PKP4: variants seen among roughly 807,000 people sequenced by gnomAD.
PKP4 encodes plakophilin-4.
A neutral mutation model predicts 145.1 loss-of-function variants in PKP4; 90 were observed. That is an observed-to-expected ratio of 0.62 (90% CI 0.52 to 0.74). The LOEUF is 0.74. Among genes scored for constraint, PKP4 ranks in the 30% least tolerant of loss-of-function variants. The pLI is 0.00. For synonymous variants in PKP4, 563 were observed against 577.2 expected (o/e 0.98, Z 0.35); for missense variants, 1,340 against 1,482.7 (o/e 0.90, Z 1.58).
chr2:158,661,083 G>A, intron 12 of PKP4: 1 of 310,916 alleles, frequency 3.2e-6, no homozygotes, highest in South Asian at 5.1e-5. Flanking sequence ...AATTATATGA[G>A]GGAATTAGAA....
At chr2:158,534,905 C>T (rs1362593827) in intron 2 of PKP4, among the ~76,000 whole-genome samples, 3 of 152,098 alleles carry the variant, frequency 2.0e-5, no homozygotes, top group Admixed American at 6.5e-5. Context: ...AAAATGTATT[C>T]ATCTTATTCA....
intron 16 of PKP4, among the ~76,000 whole-genome samples, chr2:158,667,560 G>A (rs551234010): frequency 2.0e-5 from 3 of 152,304 alleles, no homozygotes; most frequent in Admixed American, 2.0e-4. Flanking sequence ...CCTGCCATGA[G>A]AGAAGGAGAG....
chr2:158,531,374 A>G (rs977643171), intron 1 of PKP4, among the ~76,000 whole-genome samples: 4 of 152,074 alleles, frequency 2.6e-5, no homozygotes, highest in Admixed American at 6.5e-5. Context: ...TCACTGTTGC[A>G]TAGTAACATT....
intron 11 of PKP4, among the ~76,000 whole-genome samples, chr2:158,653,829 T>C (rs1558957982): frequency 6.6e-6 from 1 of 152,230 alleles, no homozygotes; most frequent in South Asian, 2.1e-4. Flanking sequence ...CTCTTCATTT[T>C]CTCATCAGTC....
chr2:158,639,390 C>G (rs1447747563), intron 9 of PKP4, among the ~76,000 whole-genome samples: 2 of 151,940 alleles, frequency 1.3e-5, no homozygotes, highest in Non-Finnish European at 2.9e-5. Context: ...GATGACATGC[C>G]CCTTTGCAGG....
chr2:158,587,938 A>G (rs1476331167), intron 3 of PKP4, among the ~76,000 whole-genome samples: 1 of 151,244 alleles, frequency 6.6e-6, no homozygotes, highest in African/African-American at 2.4e-5. Flanking sequence ...TTTTTTTTAC[A>G]TCAAAGATTG....
intron 13 of PKP4, chr2:158,661,906 C>A: frequency 6.3e-6 from 1 of 158,844 alleles, no homozygotes; most frequent in Non-Finnish European, 1.4e-5. Flanking sequence ...TACACCCCCT[C>A]CTGCTGCTGC....
intron 20 of PKP4, 120 bp downstream of exon 20, chr2:158,676,987 T>A: frequency 8.5e-7 from 1 of 1,172,092 alleles, no homozygotes; most frequent in Non-Finnish European, 1.3e-6. Context: ...CAGCAAACCA[T>A]GTTCCAGTCA....
intron 1 of PKP4, among the ~76,000 whole-genome samples, chr2:158,509,249 T>C (rs1410660513): frequency 1.3e-5 from 2 of 152,216 alleles, no homozygotes; most frequent in Non-Finnish European, 2.9e-5. Flanking sequence ...CTTTGCACTC[T>C]GAATAAATGA....
At chr2:158,673,538 T>C (rs533349938) in intron 17 of PKP4, 139 bp from the exon 18 acceptor site, 31 of 666,774 alleles carry the variant, frequency 4.6e-5, no homozygotes, top group South Asian at 1.7e-4. Flanking sequence ...GGTCCCTTTG[T>C]GGTGTGTCCT....
At chr2:158,548,542 G>T in intron 2 of PKP4, 1 of 156,886 alleles carries the variant, frequency 6.4e-6, no homozygotes, top group Non-Finnish European at 1.4e-5. Context: ...TGAGAATTTT[G>T]GCATTGGATA....
At chr2:158,624,638 T>C (rs1325284197) in intron 6 of PKP4, among the ~76,000 whole-genome samples, 8 of 151,594 alleles carry the variant, frequency 5.3e-5, no homozygotes. Flanking sequence ...TCAGATCTCT[T>C]TTTACAGGTT....
At chr2:158,535,070 G>T (rs1181199615) in intron 2 of PKP4, among the ~76,000 whole-genome samples, 1 of 152,048 alleles carries the variant, frequency 6.6e-6, no homozygotes, top group African/African-American at 2.4e-5. Flanking sequence ...TAGCATTTCA[G>T]TTGTTTAACC....
At position 158,596,910 on chromosome 2, in the gene PKP4, C is replaced by T. The variant is rs112902789; in HGVS notation, c.246-6160C>T. ...TATAGTTCATATTCCATACCTGTCT[C>T]ACTGGGGACTTCATGTTCAGATTCC... On this transcript the variant is annotated intron_variant, in intron 3 of 21. Transcript: ENST00000389759. Among the ~76,000 whole-genome samples, 232 of 152,322 alleles carry T rather than the reference C, an allele frequency of 1.5e-3. 1 individual carries two copies. The highest frequency in any genetic ancestry group is 5.3e-3 in the African/African-American group (219 of 41,560).
chr2:158,668,781 T>C (rs1328117222), intron 16 of PKP4, among the ~76,000 whole-genome samples: 1 of 152,224 alleles, frequency 6.6e-6, no homozygotes. Flanking sequence ...TCACACAGCA[T>C]GTAGCTGAGA....
At chr2:158,582,277 A>C (rs2048397193) in intron 3 of PKP4, among the ~76,000 whole-genome samples, 2 of 152,212 alleles carry the variant, frequency 1.3e-5, no homozygotes, top group Admixed American at 6.5e-5. Context: ...ACCTCATTGA[A>C]AGGAACCAGT....
intron 17 of PKP4, among the ~76,000 whole-genome samples, chr2:158,670,344 G>A (rs576799858): frequency 4.1e-4 from 62 of 152,290 alleles, no homozygotes; most frequent in African/African-American, 1.3e-3. Flanking sequence ...GTCCTTGCAC[G>A]GTAGAAGGAG....
intron 15 of PKP4, among the ~76,000 whole-genome samples, chr2:158,664,417 G>C (rs571474759): frequency 6.6e-6 from 1 of 152,138 alleles, no homozygotes; most frequent in Non-Finnish European, 1.5e-5. Context: ...ATGTCCCCCA[G>C]CAACTTCCCA....
At chr2:158,679,514 T>C (rs888383512) in intron 21 of PKP4, 5 of 152,244 alleles carry the variant, frequency 3.3e-5, no homozygotes, top group African/African-American at 9.6e-5. Flanking sequence ...GAAATCCTTA[T>C]AATGTTAGAA....
Sources: allele counts gnomAD v4.1 joint callset (sites outside exome capture counted in the v4.1 genomes callset), GRCh38; gene constraint gnomAD v4.1.1; transcripts MANE v1.5; gene names NCBI Gene and HGNC (gene_info 2026-07-23, HGNC 2026-07-21).